NEK10: variants seen among roughly 807,000 people sequenced by gnomAD.
NEK10 encodes NIMA related kinase 10, also known as serine/threonine-protein kinase Nek10.
NEK10 carries 122 observed loss-of-function variants against 159.8 expected under a neutral mutation model. The observed-to-expected ratio is 0.76, with a 90% confidence interval of 0.66 to 0.89. NEK10 has a LOEUF of 0.89. Ranked by LOEUF, NEK10 falls within the 40% of genes least tolerant of loss-of-function variation. The pLI, the probability that NEK10 is intolerant of heterozygous loss-of-function variation, is 0.00. For synonymous variants in NEK10, 466 were observed against 457.1 expected (o/e 1.02, Z -0.25); for missense variants, 1,342 against 1,323.1 (o/e 1.01, Z -0.22).
At chr3:27,170,986 C>T (rs1946929538) in intron 29 of NEK10, among the ~76,000 whole-genome samples, 1 of 152,076 alleles carries the variant, frequency 6.6e-6, no homozygotes, top group Admixed American at 6.6e-5. Flanking sequence ...CTGAGTTCAT[C>T]CTGATTCTAG....
intron 23 of NEK10, among the ~76,000 whole-genome samples, chr3:27,238,724 TTATC>T (rs895810256): frequency 6.6e-6 from 1 of 150,628 alleles, no homozygotes; most frequent in African/African-American, 2.4e-5. Flanking sequence ...TTAGTGTTAT[TTATC>T]TAACCAACCT....
chr3:27,229,820 T>C (rs1275197279), intron 23 of NEK10, among the ~76,000 whole-genome samples: 1 of 151,678 alleles, frequency 6.6e-6, no homozygotes, highest in Non-Finnish European at 1.5e-5. Flanking sequence ...CAGTCAAAGA[T>C]AAAGAAAAAA....
intron 31 of NEK10, among the ~76,000 whole-genome samples, chr3:27,137,963 A>G (rs1478814611): frequency 6.6e-6 from 1 of 152,198 alleles, no homozygotes; most frequent in Non-Finnish European, 1.5e-5. Flanking sequence ...CCACCCTTTC[A>G]TTATCCAGCT....
chr3:27,329,326 A>G (rs1198706446), intron 5 of NEK10, among the ~76,000 whole-genome samples: 2 of 152,190 alleles, frequency 1.3e-5, no homozygotes, highest in Non-Finnish European at 2.9e-5. Flanking sequence ...CGACGTGAAA[A>G]CAGACTAATA....
At chr3:27,191,931 T>C in intron 26 of NEK10, 98 bp downstream of exon 26, 1 of 989,266 alleles carries the variant, frequency 1.0e-6, no homozygotes, top group African/African-American at 1.6e-5. Context: ...ATGTAACTAT[T>C]TTTCTAACTT....
intron 22 of NEK10, among the ~76,000 whole-genome samples, chr3:27,263,488 T>G (rs1490826281): frequency 6.6e-6 from 1 of 152,116 alleles, no homozygotes; most frequent in Non-Finnish European, 1.5e-5. Flanking sequence ...CCCGGCTGCT[T>G]TGTTTACCTA....
chr3:27,234,997 A>G (rs531741930), intron 23 of NEK10, among the ~76,000 whole-genome samples: 4 of 152,286 alleles, frequency 2.6e-5, no homozygotes, highest in South Asian at 2.1e-4. Context: ...GAAACCTGAC[A>G]AAAACAAGCA....
At chr3:27,285,426 A>C (rs1483280429) in intron 20 of NEK10, among the ~76,000 whole-genome samples, 1 of 152,136 alleles carries the variant, frequency 6.6e-6, no homozygotes, top group Non-Finnish European at 1.5e-5. Flanking sequence ...GATTTACCTT[A>C]CAGAATTTTA....
At position 27,242,556 on chromosome 3, in the gene NEK10, T is replaced by C. The variant is rs374141545; in HGVS notation, c.2090+13740A>G. On this transcript the variant is annotated intron_variant, in intron 23 of 35. Transcript: ENST00000691995. ...CAATCCAGGTCTAGAGTCTGCACTA[T>C]GTCCTGTTGGCTCCTAGGGGAAGGG... Among the ~76,000 whole-genome samples, 8 of 152,206 alleles carry C rather than the reference T, an allele frequency of 5.3e-5. No homozygotes were observed. The East Asian group carries it at 7.7e-4, about 15-fold the overall frequency.
chr3:27,107,011 G>A lies in NEK10; in HGVS notation c.*4261C>T, dbSNP rs1405471928. On this transcript the variant is annotated 3_prime_UTR_variant, in exon 36 of 36. Transcript: ENST00000691995. The stretch of plus-strand genomic sequence containing the variant: ...AAAAGGCAGTTTCTCATGTTTTGAG[G>A]AATAACATTCAGTTTTGAATTAAGA... Among the ~76,000 whole-genome samples, 1 of 152,084 alleles carries A rather than the reference G, an allele frequency of 6.6e-6. No individual in the cohort carries two copies. The highest frequency in any genetic ancestry group is 1.5e-5 in the Non-Finnish European group (1 of 68,016).
At chr3:27,282,122 A>G (rs2042204677) in intron 22 of NEK10, among the ~76,000 whole-genome samples, 1 of 152,214 alleles carries the variant, frequency 6.6e-6, no homozygotes, top group Non-Finnish European at 1.5e-5. Context: ...CTGGCAGGAT[A>G]GTAGATGGGG....
At chr3:27,250,969 A>G (rs755748628) in intron 23 of NEK10, among the ~76,000 whole-genome samples, 8 of 152,138 alleles carry the variant, frequency 5.3e-5, no homozygotes, top group African/African-American at 9.7e-5. Context: ...CATTTAAATG[A>G]GTACTATCCT....
At chr3:27,323,197 C>T (rs2045770215) in intron 5 of NEK10, among the ~76,000 whole-genome samples, 1 of 152,156 alleles carries the variant, frequency 6.6e-6, no homozygotes, top group Non-Finnish European at 1.5e-5. Context: ...GCCAAAATCT[C>T]CCCTCAATCC....
chr3:27,275,573 C>T (rs758722253), intron 22 of NEK10, among the ~76,000 whole-genome samples: 4 of 152,062 alleles, frequency 2.6e-5, no homozygotes, highest in Non-Finnish European at 4.4e-5. Flanking sequence ...ATCCGGTTAA[C>T]GGGAAGTAAA....
intron 26 of NEK10, among the ~76,000 whole-genome samples, chr3:27,182,126 T>C (rs1225459270): frequency 6.6e-6 from 1 of 152,158 alleles, no homozygotes; most frequent in East Asian, 1.9e-4. Context: ...AGAGATCTAT[T>C]GCACAGCATG....
At chr3:27,334,071 C>A (rs2046620540) in intron 5 of NEK10, among the ~76,000 whole-genome samples, 2 of 152,206 alleles carry the variant, frequency 1.3e-5, no homozygotes, top group African/African-American at 4.8e-5. Flanking sequence ...CAGCTTCACC[C>A]TCCCCTCCAT....
Position 27,142,508 on chromosome 3 carries a change from T to A in NEK10, c.2870-926A>T, listed in dbSNP as rs576184075. Among the ~76,000 whole-genome samples, 837 of 143,024 alleles carry A rather than the reference T, an allele frequency of 5.9e-3. 7 individuals are homozygous for A. The highest frequency in any genetic ancestry group is 0.018 in the African/African-American group (724 of 39,262). 93.8% of individuals were successfully genotyped at this position (143,024 alleles called of 152,430 possible). A position where few individuals can be genotyped will look rare whatever the true frequency, so the allele number is the denominator to read the frequency against. On this transcript the variant is annotated intron_variant, in intron 30 of 35. Coordinates refer to ENST00000691995, the MANE Select transcript of NEK10 (RefSeq NM_001394966.1). The stretch of plus-strand genomic sequence containing the variant: ...AAAACTTCTCTTGCTAATTTCCTTT[T>A]AAAAAAAAAAAAAAGATGAAAGTTC...
At position 27,315,943 on chromosome 3, in the gene NEK10, T is replaced by TC. The variant is rs147908601; in HGVS notation, c.448-1606dup. Among the ~76,000 whole-genome samples, 1,071 of 152,216 alleles carry TC rather than the reference T, an allele frequency of 7.0e-3. 7 individuals carry two copies. The highest frequency in any genetic ancestry group is 0.012 in the Admixed American group (180 of 15,290). On this transcript the variant is annotated intron_variant, in intron 6 of 35. Coordinates refer to ENST00000691995, the MANE Select transcript of NEK10 (RefSeq NM_001394966.1). ...GGGAAGAGGTGAAAATAAAGGAGAT[T>TC]CCAGCAAAGAGAATAGGAGGCTCAA...
At chr3:27,253,005 T>A (rs901632943) in intron 23 of NEK10, 1 of 409,028 alleles carries the variant, frequency 2.4e-6, no homozygotes, top group Non-Finnish European at 4.8e-6. Context: ...ACTTTATGTA[T>A]CAAAAAAATA....
Sources: gnomAD v4.1 joint callset for allele counts (sites outside exome capture counted in the v4.1 genomes callset) on GRCh38, gnomAD v4.1.1 for gene constraint, MANE v1.5 for transcripts, NCBI Gene and HGNC (gene_info 2026-07-23, HGNC 2026-07-21) for gene names.